PTPRD: variants seen among roughly 807,000 people sequenced by gnomAD.
PTPRD encodes the protein protein tyrosine phosphatase receptor type D, also known as receptor-type tyrosine-protein phosphatase delta.
In PTPRD, 34 loss-of-function variants were observed where a neutral mutation model predicts 214.5. The ratio of observed to expected loss-of-function variants is 0.16; its 90% CI spans 0.12 to 0.21. The LOEUF is 0.21. Among genes scored for constraint, PTPRD ranks in the 10% least tolerant of loss-of-function variants. The pLI is 1.00. For missense variants in PTPRD, 2,545 were observed against 2,398.7 expected, an observed-to-expected ratio of 1.06 and a Z score of -1.27; for synonymous variants, 1,128 against 845.7, an observed-to-expected ratio of 1.33 and a Z score of -5.79.
intron 10 of PTPRD, among the ~76,000 whole-genome samples, chr9:9,037,768 G>C (rs1254627599): frequency 1.3e-5 from 2 of 152,142 alleles, no homozygotes; most frequent in Non-Finnish European, 2.9e-5. Context: ...AGTAAGCTAG[G>C]AAGAGTGGAA....
intron 5 of PTPRD, among the ~76,000 whole-genome samples, chr9:9,844,226 A>T (rs920426242): frequency 1.3e-5 from 2 of 152,006 alleles, no homozygotes; most frequent in African/African-American, 4.8e-5. Context: ...ATTCAAGTTT[A>T]ATGTGATTTT....
intron 3 of PTPRD, among the ~76,000 whole-genome samples, chr9:10,103,276 T>C (rs2098582059): frequency 1.3e-5 from 2 of 150,854 alleles, no homozygotes; most frequent in Admixed American, 1.3e-4. Flanking sequence ...CATAACTATC[T>C]ATATATTTCT....
chr9:10,074,698 G>C lies in PTPRD; in HGVS notation c.-544-40908C>G, dbSNP rs373154955. 2.3e-4 allele frequency among the ~76,000 whole-genome samples: 35 copies of C among 152,226 alleles called. 2 individuals carry two copies. The highest frequency in any genetic ancestry group is 8.2e-4 in the African/African-American group (34 of 41,558). Reference sequence around the variant, plus strand: ...TGTACCAGCTCTGATTTAGAGGAAAGAGTGGGCTCCTGTGAACTTCCTGCA... The same window carrying C: ...TGTACCAGCTCTGATTTAGAGGAAACAGTGGGCTCCTGTGAACTTCCTGCA... On this transcript the variant is annotated intron_variant, in intron 3 of 45. Coordinates refer to ENST00000381196, the MANE Select transcript of PTPRD (RefSeq NM_002839.4).
At chr9:10,089,379 T>C (rs1032271798) in intron 3 of PTPRD, among the ~76,000 whole-genome samples, 3 of 151,652 alleles carry the variant, frequency 2.0e-5, no homozygotes, top group African/African-American at 4.8e-5. Flanking sequence ...AATAGACTTA[T>C]TTTGCCTTCT....
chr9:9,901,583 AAAAT>A (rs921176830), intron 5 of PTPRD, among the ~76,000 whole-genome samples: 3 of 152,034 alleles, frequency 2.0e-5, no homozygotes, highest in East Asian at 1.9e-4. Flanking sequence ...ATAAATTATT[AAAAT>A]AAATAAATTC....
At chr9:9,862,654 T>C (rs1173034124) in intron 5 of PTPRD, among the ~76,000 whole-genome samples, 3 of 139,702 alleles carry the variant, frequency 2.1e-5, no homozygotes, top group Non-Finnish European at 4.5e-5. Context: ...ATACTTGTTG[T>C]GGTGTGTTGA....
intron 9 of PTPRD, among the ~76,000 whole-genome samples, chr9:9,305,134 C>A (rs933664139): frequency 9.9e-5 from 15 of 151,592 alleles, no homozygotes; most frequent in Admixed American, 7.3e-4. Flanking sequence ...TCTTTCTGCA[C>A]ATTTCAGCTT....
intron 39 of PTPRD, among the ~76,000 whole-genome samples, chr9:8,363,678 C>G (rs770524014): frequency 4.6e-5 from 7 of 152,156 alleles, no homozygotes; most frequent in Non-Finnish European, 1.0e-4. Flanking sequence ...AATTAATAAG[C>G]CTTTGCAGGC....
At chr9:10,323,421 A>G (rs1166005467) in intron 3 of PTPRD, among the ~76,000 whole-genome samples, 2 of 150,716 alleles carry the variant, frequency 1.3e-5, no homozygotes, top group Non-Finnish European at 3.0e-5. Flanking sequence ...CAGCCATCCA[A>G]GTAGCTTGGA....
intron 7 of PTPRD, among the ~76,000 whole-genome samples, chr9:9,730,196 T>C (rs1163318390): frequency 1.3e-5 from 2 of 152,116 alleles, no homozygotes; most frequent in East Asian, 3.9e-4. Flanking sequence ...TTTGAATTAA[T>C]TTGTATTATT....
chr9:9,607,872 CAA>C (rs201955831), intron 7 of PTPRD, among the ~76,000 whole-genome samples: 14 of 148,118 alleles, frequency 9.5e-5, no homozygotes, highest in Non-Finnish European at 1.6e-4. Flanking sequence ...TAGTGACTGA[CAA>C]AAAAAAAATT....
At chr9:10,401,312 G>C (rs2098266068) in intron 2 of PTPRD, among the ~76,000 whole-genome samples, 1 of 151,430 alleles carries the variant, frequency 6.6e-6, no homozygotes, top group African/African-American at 2.4e-5. Flanking sequence ...GTTCTGTCTT[G>C]CCTGAAGTAA....
intron 12 of PTPRD, among the ~76,000 whole-genome samples, chr9:8,715,684 G>T (rs529816280): frequency 6.6e-6 from 1 of 152,232 alleles, no homozygotes; most frequent in East Asian, 1.9e-4. Context: ...TCATTCCTCA[G>T]GGCCTCTTAA....
At chr9:9,659,487 A>C (rs1320035351) in intron 7 of PTPRD, among the ~76,000 whole-genome samples, 1 of 152,050 alleles carries the variant, frequency 6.6e-6, no homozygotes, top group Non-Finnish European at 1.5e-5. Flanking sequence ...ACATCAAATC[A>C]ATTAAGTCAG....
chr9:10,065,322 T>C (rs1440308908), intron 3 of PTPRD, among the ~76,000 whole-genome samples: 1 of 151,940 alleles, frequency 6.6e-6, no homozygotes, highest in Non-Finnish European at 1.5e-5. Context: ...CCATGGTTGC[T>C]TTCTGTTATT....
intron 3 of PTPRD, among the ~76,000 whole-genome samples, chr9:10,333,754 T>A (rs1455734913): frequency 6.6e-6 from 1 of 151,878 alleles, no homozygotes; most frequent in Non-Finnish European, 1.5e-5. Flanking sequence ...ACAGTGCTGT[T>A]AGAAAAGTCT....
chr9:8,720,236 G>A (rs1280279598), intron 12 of PTPRD, among the ~76,000 whole-genome samples: 3 of 152,050 alleles, frequency 2.0e-5, no homozygotes, highest in African/African-American at 7.3e-5. Context: ...GGTGTGGGCT[G>A]GCTGAGTATT....
chr9:9,396,008 T>C (rs2067664490), intron 9 of PTPRD, among the ~76,000 whole-genome samples: 1 of 152,072 alleles, frequency 6.6e-6, no homozygotes, highest in African/African-American at 2.4e-5. Flanking sequence ...ACAAATTACT[T>C]GACTGAAAGA....
chr9:10,549,362 T>G (rs1048046693), intron 2 of PTPRD, among the ~76,000 whole-genome samples: 35 of 152,244 alleles, frequency 2.3e-4, no homozygotes, highest in African/African-American at 8.4e-4. Flanking sequence ...AAGGATTAGC[T>G]TTTAACTAAA....
Sources: allele counts gnomAD v4.1 joint callset (sites outside exome capture counted in the v4.1 genomes callset), GRCh38; gene constraint gnomAD v4.1.1; transcripts MANE v1.5; gene names NCBI Gene and HGNC (gene_info 2026-07-23, HGNC 2026-07-21).